Variants in C8orf34 observed in about 807,000 individuals in gnomAD.
C8orf34 encodes the protein uncharacterized protein C8orf34.
C8orf34 carries 65 observed loss-of-function variants against 68.3 expected under a neutral mutation model. That is an observed-to-expected ratio of 0.95 (90% confidence interval 0.78 to 1.17). The LOEUF (loss-of-function observed/expected upper bound fraction) is 1.17, where lower values mean the gene tolerates loss of function less well. Ranked by LOEUF, C8orf34 falls within the 50% of genes most tolerant of loss-of-function variation. The pLI is 0.00. For synonymous variants in C8orf34, 244 were observed against 241.2 expected (o/e 1.01, Z -0.11); for missense variants, 664 against 655.4 (o/e 1.01, Z -0.14).
intron 7 of C8orf34, among the ~76,000 whole-genome samples, chr8:68,615,266 T>C (rs530749857): frequency 4.6e-4 from 69 of 150,500 alleles, no homozygotes; most frequent in African/African-American, 1.6e-3. Flanking sequence ...CTTTTCCTAA[T>C]TGAATACCCT....
At chr8:68,425,634 TATC>T (rs1354419976) in intron 1 of C8orf34, among the ~76,000 whole-genome samples, 2 of 152,080 alleles carry the variant, frequency 1.3e-5, no homozygotes, top group East Asian at 3.9e-4. Flanking sequence ...AAAGCATTCT[TATC>T]ATAATTTCAT....
At chr8:68,522,638 G>T (rs1241104927) in intron 6 of C8orf34, among the ~76,000 whole-genome samples, 2 of 152,114 alleles carry the variant, frequency 1.3e-5, no homozygotes, top group Non-Finnish European at 2.9e-5. Flanking sequence ...GAAATGTCCA[G>T]ATCTTATTTA....
intron 2 of C8orf34, among the ~76,000 whole-genome samples, chr8:68,443,876 C>A (rs1326414157): frequency 6.6e-6 from 1 of 152,076 alleles, no homozygotes; most frequent in Non-Finnish European, 1.5e-5. Context: ...GGAGGAGAAT[C>A]TTGAAAACAG....
chr8:68,558,656 T>C (rs1162568266), intron 7 of C8orf34, among the ~76,000 whole-genome samples: 1 of 152,212 alleles, frequency 6.6e-6, no homozygotes, highest in South Asian at 2.1e-4. Context: ...AAGAAATTTC[T>C]GGTCTTCTAG....
At chr8:68,356,758 C>T (rs1205920106) in intron 1 of C8orf34, among the ~76,000 whole-genome samples, 10 of 151,962 alleles carry the variant, frequency 6.6e-5, no homozygotes, top group Admixed American at 6.6e-4. Flanking sequence ...TGTAAATGAT[C>T]TCATTGGTAT....
chr8:68,791,531 T>C (rs1823993309), intron 12 of C8orf34: 1 of 152,160 alleles, frequency 6.6e-6, no homozygotes. Flanking sequence ...TACCCTCTAA[T>C]TACATTTTAG....
At chr8:68,792,864 T>A (rs1278617172) in intron 12 of C8orf34, among the ~76,000 whole-genome samples, 1 of 151,856 alleles carries the variant, frequency 6.6e-6, no homozygotes, top group Non-Finnish European at 1.5e-5. Flanking sequence ...TGGCATGTGA[T>A]ATGTGTGTGT....
intron 1 of C8orf34, among the ~76,000 whole-genome samples, chr8:68,423,961 T>A (rs1479391362): frequency 1.3e-5 from 2 of 152,272 alleles, no homozygotes; most frequent in East Asian, 1.9e-4. Flanking sequence ...ACTGCCCCCA[T>A]GATCTGATTA....
intron 8 of C8orf34, among the ~76,000 whole-genome samples, chr8:68,666,849 G>GC (rs1299586369): frequency 1.3e-5 from 2 of 152,018 alleles, no homozygotes; most frequent in Non-Finnish European, 2.9e-5. Flanking sequence ...AAATGATGTG[G>GC]CTTAAATTTG....
At chr8:68,804,841 A>G (rs1824437426) in intron 12 of C8orf34, among the ~76,000 whole-genome samples, 1 of 152,184 alleles carries the variant, frequency 6.6e-6, no homozygotes, top group South Asian at 2.1e-4. Context: ...AAGCTAGATT[A>G]AGATGAGGAA....
intron 7 of C8orf34, among the ~76,000 whole-genome samples, chr8:68,571,968 G>A (rs1186342092): frequency 5.3e-5 from 8 of 152,066 alleles, no homozygotes; most frequent in African/African-American, 1.4e-4. Flanking sequence ...GTACTTACAC[G>A]AACCTACATG....
intron 8 of C8orf34, among the ~76,000 whole-genome samples, chr8:68,662,886 T>C (rs1819724532): frequency 6.6e-6 from 1 of 152,212 alleles, no homozygotes; most frequent in South Asian, 2.1e-4. Flanking sequence ...GGAGTACCAT[T>C]TTCTGAGTCT....
At chr8:68,357,100 C>T (rs1481416613) in intron 1 of C8orf34, among the ~76,000 whole-genome samples, 2 of 151,852 alleles carry the variant, frequency 1.3e-5, no homozygotes, top group Non-Finnish European at 2.9e-5. Flanking sequence ...TTGTTTTGGT[C>T]ATTTTATTTT....
chr8:68,540,741 C>T (rs1214931438), intron 7 of C8orf34, among the ~76,000 whole-genome samples: 1 of 152,076 alleles, frequency 6.6e-6, no homozygotes, highest in Non-Finnish European at 1.5e-5. Flanking sequence ...ACTCGGGAAG[C>T]TGAAGCAGGA....
chr8:68,468,838 A>T lies in C8orf34; in HGVS notation c.736+18A>T, dbSNP rs1210305980. On this transcript the variant is annotated intron_variant, in intron 4 of 13. Coordinates refer to ENST00000518698, the MANE Select transcript of C8orf34 (RefSeq NM_052958.4). ...CTCTCGAAGTAAGTTCATTTACTTGATTATAATTGAAACTCCTAACCAATA... is the reference window on the plus strand; with the variant it reads ...CTCTCGAAGTAAGTTCATTTACTTGTTTATAATTGAAACTCCTAACCAATA... The T allele has an allele frequency of 6.2e-6, 10 of 1,602,422 alleles. No homozygotes were observed. The highest frequency in any genetic ancestry group is 8.5e-6 in the Non-Finnish European group (10 of 1,175,376).
chr8:68,504,597 G>A (rs1168195912), intron 5 of C8orf34, among the ~76,000 whole-genome samples: 1 of 151,956 alleles, frequency 6.6e-6, no homozygotes, highest in Non-Finnish European at 1.5e-5. Flanking sequence ...TTGGCTCACT[G>A]CAACCTCCAT....
intron 7 of C8orf34, among the ~76,000 whole-genome samples, chr8:68,562,166 G>A (rs1377935232): frequency 1.3e-5 from 2 of 152,174 alleles, no homozygotes; most frequent in African/African-American, 2.4e-5. Context: ...ACAAACACGT[G>A]AGTACTGTGT....
At chr8:68,787,646 C>A (rs1456084050) in intron 12 of C8orf34, 110 bp downstream of exon 12, 6 of 639,368 alleles carry the variant, frequency 9.4e-6, no homozygotes, top group South Asian at 2.3e-5. Context: ...AAAAAAAAAT[C>A]CAGACTCTGT....
intron 7 of C8orf34, among the ~76,000 whole-genome samples, chr8:68,617,352 G>A (rs534767078): frequency 8.5e-5 from 13 of 152,102 alleles, no homozygotes; most frequent in Middle Eastern, 3.2e-3. Flanking sequence ...TATTTTGCTC[G>A]TTAGTTGATG....
Sources: gnomAD v4.1 joint callset for allele counts (sites outside exome capture counted in the v4.1 genomes callset) on GRCh38, gnomAD v4.1.1 for gene constraint, MANE v1.5 for transcripts, NCBI Gene and HGNC (gene_info 2026-07-23, HGNC 2026-07-21) for gene names.